PLEKHA7: variants seen among roughly 807,000 people sequenced by gnomAD.
PLEKHA7 encodes pleckstrin homology domain containing A7.
In PLEKHA7, 104 loss-of-function variants were observed where a neutral mutation model predicts 170.0. The ratio of observed to expected loss-of-function variants is 0.61; its 90% CI spans 0.52 to 0.72. The LOEUF (loss-of-function observed/expected upper bound fraction) is 0.72, where lower values mean the gene tolerates loss of function less well. Among genes scored for constraint, PLEKHA7 ranks in the 30% least tolerant of loss-of-function variants. The pLI, the probability that PLEKHA7 is intolerant of heterozygous loss-of-function variation, is 0.00. For synonymous variants in PLEKHA7, 648 were observed against 660.8 expected (o/e 0.98, Z 0.30); for missense variants, 1,615 against 1,671.7 (o/e 0.97, Z 0.59).
At chr11:16,931,462 C>T (rs1282721370) in intron 3 of PLEKHA7, among the ~76,000 whole-genome samples, 1 of 152,172 alleles carries the variant, frequency 6.6e-6, no homozygotes. Flanking sequence ...GTGGCTCACA[C>T]CTGTAATCCC....
At chr11:16,852,500 C>T (rs1853057651) in intron 6 of PLEKHA7, 145 bp from the exon 7 acceptor site, 1 of 577,606 alleles carries the variant, frequency 1.7e-6, no homozygotes, top group Non-Finnish European at 3.0e-6. Context: ...AACAGCCATT[C>T]TTTGAATAGG....
At chr11:16,835,969 C>T (rs1164216383) in intron 9 of PLEKHA7, among the ~76,000 whole-genome samples, 2 of 152,216 alleles carry the variant, frequency 1.3e-5, no homozygotes, top group Non-Finnish European at 2.9e-5. Flanking sequence ...TCCTCGCGGC[C>T]TGGATAGGGC....
At chr11:16,845,972 G>A (rs1852369465) in intron 8 of PLEKHA7, among the ~76,000 whole-genome samples, 1 of 152,174 alleles carries the variant, frequency 6.6e-6, no homozygotes, top group African/African-American at 2.4e-5. Context: ...TGCAGAGGTA[G>A]TGGCGACCAT....
intron 3 of PLEKHA7, among the ~76,000 whole-genome samples, chr11:16,964,824 G>A (rs1430967187): frequency 6.6e-6 from 1 of 152,158 alleles, no homozygotes; most frequent in Non-Finnish European, 1.5e-5. Context: ...ATCCTGAGGT[G>A]CTCAAGATGA....
chr11:16,929,771 G>A (rs528889785), intron 3 of PLEKHA7, among the ~76,000 whole-genome samples: 104 of 152,312 alleles, frequency 6.8e-4, no homozygotes, highest in African/African-American at 2.4e-3. Flanking sequence ...TTGGGAGGCC[G>A]AGGTGGGTGG....
intron 23 of PLEKHA7, 51 bp from the exon 24 acceptor site, chr11:16,786,438 A>T (rs1051275052): frequency 5.9e-6 from 9 of 1,532,418 alleles, no homozygotes; most frequent in Non-Finnish European, 1.7e-6. Context: ...TTGCTGAAAG[A>T]GCCCGGCTGG....
At chr11:16,803,991 A>G (rs933440561) in intron 13 of PLEKHA7, among the ~76,000 whole-genome samples, 1 of 152,232 alleles carries the variant, frequency 6.6e-6, no homozygotes, top group Admixed American at 6.5e-5. Flanking sequence ...TTGCGGGCCA[A>G]TGGGATTTTA....
chr11:16,941,925 C>G (rs1348169706), intron 3 of PLEKHA7, among the ~76,000 whole-genome samples: 1 of 152,258 alleles, frequency 6.6e-6, no homozygotes, highest in African/African-American at 2.4e-5. Flanking sequence ...AAGCACCTCT[C>G]TCGAAGGGAT....
At chr11:16,819,049 C>T (rs1850007660) in intron 10 of PLEKHA7, among the ~76,000 whole-genome samples, 1 of 151,710 alleles carries the variant, frequency 6.6e-6, no homozygotes, top group African/African-American at 2.4e-5. Context: ...GTGATCTGAC[C>T]GCCTCGGCCT....
chr11:16,897,914 G>A (rs1857099737), intron 3 of PLEKHA7, among the ~76,000 whole-genome samples: 1 of 152,246 alleles, frequency 6.6e-6, no homozygotes, highest in African/African-American at 2.4e-5. Flanking sequence ...GGCTCTGGGT[G>A]GCAATCACTA....
intron 3 of PLEKHA7, among the ~76,000 whole-genome samples, chr11:16,902,191 T>C (rs1193737921): frequency 1.3e-5 from 2 of 152,238 alleles, no homozygotes; most frequent in African/African-American, 4.8e-5. Flanking sequence ...TTCCTTCCTA[T>C]GGCCAGATAA....
intron 4 of PLEKHA7, among the ~76,000 whole-genome samples, chr11:16,865,166 T>C (rs1306081397): frequency 1.3e-5 from 2 of 152,240 alleles, no homozygotes; most frequent in Non-Finnish European, 2.9e-5. Flanking sequence ...TTGTACTCCA[T>C]CAATTTGTAT....
chr11:16,831,741 C>A (rs1158089635), intron 9 of PLEKHA7, among the ~76,000 whole-genome samples: 1 of 152,184 alleles, frequency 6.6e-6, no homozygotes, highest in African/African-American at 2.4e-5. Context: ...GTTTCAAGTT[C>A]CTCATCTATA....
chr11:16,911,706 T>C (rs922457972), intron 3 of PLEKHA7, among the ~76,000 whole-genome samples: 5 of 152,002 alleles, frequency 3.3e-5, no homozygotes, highest in African/African-American at 1.2e-4. Context: ...CTTTGACCTG[T>C]CTTCTAGACC....
intron 8 of PLEKHA7, among the ~76,000 whole-genome samples, chr11:16,846,365 C>G (rs1297278869): frequency 6.6e-6 from 1 of 152,138 alleles, no homozygotes; most frequent in Non-Finnish European, 1.5e-5. Context: ...TCACGTCCAA[C>G]CTTTAGGCTG....
At chr11:16,838,817 G>C (rs1251263587) in intron 9 of PLEKHA7, among the ~76,000 whole-genome samples, 1 of 150,336 alleles carries the variant, frequency 6.7e-6, no homozygotes, top group African/African-American at 2.4e-5. Flanking sequence ...CTCCCGAGTA[G>C]CTGGGACTAC....
In PLEKHA7 at chr11:16,789,258, A is replaced by G. The variant is rs1849620536; in HGVS notation, c.3195T>C (p.Asp1065=). ...KSALERLYSG[D]HQRGKMSAEE... The stretch of plus-strand genomic sequence containing the variant: ...CTGCACTCATCTTGCCTCGCTGGTG[A>G]TCCCCTGAGTACAGGCGCTCCAAGG... The change falls in exon 23 of 27, where the codon GAT becomes GAC. Residue 1065 remains aspartate (D), a synonymous_variant. Coordinates refer to ENST00000531066, the MANE Select transcript of PLEKHA7 (RefSeq NM_001329630.2). This position sits in a 1 kb window ranked among gnomAD's most constrained non-coding sequence, Gnocchi z 4.6. 1.2e-6 allele frequency: 2 copies of G among 1,613,516 alleles called. No individual in the cohort carries two copies. The highest frequency in any genetic ancestry group is 2.7e-5 in the African/African-American group (2 of 74,882).
At chr11:17,007,061 C>T (rs1275997423) in intron 3 of PLEKHA7, among the ~76,000 whole-genome samples, 1 of 152,214 alleles carries the variant, frequency 6.6e-6, no homozygotes, top group Non-Finnish European at 1.5e-5. Context: ...AGGTTCTTAA[C>T]TGCCCACTCC....
intron 3 of PLEKHA7, among the ~76,000 whole-genome samples, chr11:16,963,810 T>A (rs4757455): frequency 0.34 from 51,655 of 152,066 alleles, 9,231 homozygotes; most frequent in Non-Finnish European, 0.39. Context: ...ATTAACTACC[T>A]GTTTCTCCAA....
Sources: gnomAD v4.1 joint callset for allele counts (sites outside exome capture counted in the v4.1 genomes callset) on GRCh38, gnomAD v4.1.1 for gene constraint, Gnocchi (gnomAD v3.1) non-coding constraint, MANE v1.5 for transcripts, NCBI Gene and HGNC (gene_info 2026-07-23, HGNC 2026-07-21) for gene names.